Variants in FOXO1 observed in about 807,000 individuals in gnomAD.
FOXO1 encodes the protein forkhead box O1.
In FOXO1, 6 loss-of-function variants were observed where a neutral mutation model predicts 44.1. The ratio of observed to expected loss-of-function variants is 0.14; its 90% CI spans 0.07 to 0.27. The LOEUF (loss-of-function observed/expected upper bound fraction) is 0.27. Ranked by LOEUF, FOXO1 falls within the 10% of genes least tolerant of loss-of-function variation. The probability of loss-of-function intolerance (pLI) is 1.00; values close to 1 mark genes in which losing one functional copy is unlikely to be tolerated. For missense variants in FOXO1, 737 were observed against 888.8 expected, an observed-to-expected ratio of 0.83 and a Z score of 2.17; for synonymous variants, 380 against 362.7, an observed-to-expected ratio of 1.05 and a Z score of -0.54.
chr13:40,585,341 G>GCGCGCGCACA (rs1555248745), intron 1 of FOXO1, among the ~76,000 whole-genome samples: 2 of 94,690 alleles, frequency 2.1e-5, no homozygotes, highest in African/African-American at 1.0e-4. Flanking sequence ...CTCTGCGCGC[G>GCGCGCGCACA]CGCACACACA....
chr13:40,664,199 A>G (rs952346233), intron 1 of FOXO1, among the ~76,000 whole-genome samples: 2 of 152,198 alleles, frequency 1.3e-5, no homozygotes, highest in South Asian at 2.1e-4. Flanking sequence ...CTTGAACCAG[A>G]GAGTCGGAGG....
intron 1 of FOXO1, among the ~76,000 whole-genome samples, chr13:40,623,487 GA>G (rs1294971587): frequency 6.6e-6 from 1 of 152,160 alleles, no homozygotes; most frequent in Non-Finnish European, 1.5e-5. Context: ...TGCTGGGTTT[GA>G]AAATCAACAT....
intron 1 of FOXO1, among the ~76,000 whole-genome samples, chr13:40,662,012 A>C (rs150685644): frequency 7.4e-4 from 112 of 151,968 alleles, no homozygotes; most frequent in African/African-American, 2.6e-3. Flanking sequence ...CTCTACTAAA[A>C]ATACAAAAAT....
chr13:40,650,806 G>A (rs968173921), intron 1 of FOXO1, among the ~76,000 whole-genome samples: 14 of 152,216 alleles, frequency 9.2e-5, no homozygotes, highest in African/African-American at 3.1e-4. Flanking sequence ...CCAGGCTGGA[G>A]TGCAGTGGCG....
intron 1 of FOXO1, among the ~76,000 whole-genome samples, chr13:40,603,327 T>A (rs890164019): frequency 5.0e-5 from 6 of 120,340 alleles, no homozygotes; most frequent in Non-Finnish European, 9.6e-5. Flanking sequence ...CCAAACCAGA[T>A]GGAGACCCTA....
At chr13:40,629,407 G>A (rs1876891479) in intron 1 of FOXO1, among the ~76,000 whole-genome samples, 2 of 152,240 alleles carry the variant, frequency 1.3e-5, no homozygotes, top group Admixed American at 1.3e-4. Context: ...CTCCCAAGGT[G>A]CTGGGATTAC....
chr13:40,623,840 G>A (rs553879515), intron 1 of FOXO1, among the ~76,000 whole-genome samples: 12 of 151,308 alleles, frequency 7.9e-5, no homozygotes, highest in Non-Finnish European at 1.0e-4. Flanking sequence ...GGTGGCTCAC[G>A]CCTGTAATCC....
intron 1 of FOXO1, among the ~76,000 whole-genome samples, chr13:40,582,020 A>C (rs1479960338): frequency 1.3e-5 from 2 of 152,214 alleles, no homozygotes; most frequent in Non-Finnish European, 2.9e-5. Flanking sequence ...ACAGAGAGGT[A>C]GAATATGGGT....
At chr13:40,612,564 T>C (rs1876272299) in intron 1 of FOXO1, among the ~76,000 whole-genome samples, 1 of 152,214 alleles carries the variant, frequency 6.6e-6, no homozygotes, top group African/African-American at 2.4e-5. Context: ...ACAATTTCAG[T>C]GGCCAAGAAA....
chr13:40,564,677 A>G (rs1358227231), intron 1 of FOXO1, among the ~76,000 whole-genome samples: 1 of 152,038 alleles, frequency 6.6e-6, no homozygotes, highest in Non-Finnish European at 1.5e-5. Flanking sequence ...ATGCCCTTGA[A>G]CTCTCAACAA....
At chr13:40,656,903 T>A (rs552208561) in intron 1 of FOXO1, among the ~76,000 whole-genome samples, 1 of 151,712 alleles carries the variant, frequency 6.6e-6, no homozygotes, top group Non-Finnish European at 1.5e-5. Context: ...CGATCCAGGC[T>A]CACTGTAAGC....
chr13:40,626,021 T>C (rs1876775648), intron 1 of FOXO1, among the ~76,000 whole-genome samples: 2 of 152,194 alleles, frequency 1.3e-5, no homozygotes, highest in Non-Finnish European at 2.9e-5. Flanking sequence ...TCTTGCTATG[T>C]TGCCCAGGCT....
chr13:40,662,197 G>C (rs933903270), intron 1 of FOXO1, among the ~76,000 whole-genome samples: 9 of 110,666 alleles, frequency 8.1e-5, no homozygotes, highest in Non-Finnish European at 1.7e-4. Context: ...AAAAAAAAAA[G>C]ATATTTATCT....
intron 1 of FOXO1, chr13:40,619,601 A>T: frequency 6.5e-7 from 1 of 1,529,058 alleles, no homozygotes; most frequent in Non-Finnish European, 9.0e-7. Context: ...ACAAATAGGC[A>T]ACAAAGGTCA....
chr13:40,605,875 A>G (rs1875976848), intron 1 of FOXO1, among the ~76,000 whole-genome samples: 1 of 152,148 alleles, frequency 6.6e-6, no homozygotes, highest in Non-Finnish European at 1.5e-5. Flanking sequence ...CCACTAAGAG[A>G]TACCTCTTAT....
chr13:40,590,717 A>G (rs771175608), intron 1 of FOXO1, among the ~76,000 whole-genome samples: 3 of 152,208 alleles, frequency 2.0e-5, no homozygotes, highest in Non-Finnish European at 2.9e-5. Flanking sequence ...TCCAGTTTCA[A>G]TAACATACCA....
At chr13:40,596,822 AAAAG>A (rs1206555753) in intron 1 of FOXO1, among the ~76,000 whole-genome samples, 1 of 152,230 alleles carries the variant, frequency 6.6e-6, no homozygotes, top group Admixed American at 6.5e-5. Flanking sequence ...TAGTATACTG[AAAAG>A]AAAGACCGTA....
chr13:40,620,798 G>GTTTTTTT (rs762814974), intron 1 of FOXO1, among the ~76,000 whole-genome samples: 1 of 105,512 alleles, frequency 9.5e-6, no homozygotes, highest in Non-Finnish European at 1.9e-5. Flanking sequence ...TCTTCCCCTT[G>GTTTTTTT]CTTTTTTTTT....
intron 1 of FOXO1, among the ~76,000 whole-genome samples, chr13:40,586,810 A>G (rs1875184518): frequency 6.6e-6 from 1 of 152,190 alleles, no homozygotes. Context: ...ACTGACATGC[A>G]AAGTCAGCAC....
Sources: gnomAD v4.1 joint callset for allele counts (sites outside exome capture counted in the v4.1 genomes callset) on GRCh38, gnomAD v4.1.1 for gene constraint, MANE v1.5 for transcripts, NCBI Gene and HGNC (gene_info 2026-07-23, HGNC 2026-07-21) for gene names.